Variants in KAZN observed in about 807,000 individuals in gnomAD.
KAZN encodes kazrin.
KAZN carries 40 observed loss-of-function variants against 87.4 expected under a neutral mutation model. The ratio of observed to expected loss-of-function variants is 0.46; its 90% CI spans 0.36 to 0.60. The LOEUF (loss-of-function observed/expected upper bound fraction) is 0.60, where lower values mean the gene tolerates loss of function less well. KAZN is among the 20% of genes least tolerant of loss of function. The pLI is 0.00. For synonymous variants in KAZN, 466 were observed against 458.3 expected (o/e 1.02, Z -0.22); for missense variants, 898 against 1,073.9 (o/e 0.84, Z 2.29).
chr1:14,529,039 C>A (rs1026438758), intron 2 of KAZN, among the ~76,000 whole-genome samples: 2 of 152,144 alleles, frequency 1.3e-5, no homozygotes, highest in South Asian at 4.1e-4. Flanking sequence ...CGCGGTGGCT[C>A]ATGCCTGTAA....
At chr1:13,982,803 A>G (rs1025012825) in intron 1 of KAZN, among the ~76,000 whole-genome samples, 1 of 152,070 alleles carries the variant, frequency 6.6e-6, no homozygotes, top group Non-Finnish European at 1.5e-5. Context: ...ACAAACCCTG[A>G]GCTAGACACA....
chr1:14,717,596 G>C (rs1642861595), intron 1 of KAZN, among the ~76,000 whole-genome samples: 1 of 152,168 alleles, frequency 6.6e-6, no homozygotes. Flanking sequence ...TTCTAATCCA[G>C]CATGATCTCA....
intron 1 of KAZN, among the ~76,000 whole-genome samples, chr1:14,677,861 C>A (rs1640325726): frequency 6.6e-6 from 1 of 152,118 alleles, no homozygotes; most frequent in South Asian, 2.1e-4. Flanking sequence ...TACAGCAGCC[C>A]CTCAGGGGAG....
chr1:14,838,545 A>G (rs1427594907), intron 1 of KAZN, among the ~76,000 whole-genome samples: 1 of 152,172 alleles, frequency 6.6e-6, no homozygotes, highest in Non-Finnish European at 1.5e-5. Context: ...ACCATGCTCA[A>G]TTAGGTTCCA....
intron 1 of KAZN, among the ~76,000 whole-genome samples, chr1:14,822,715 C>A (rs1450089482): frequency 6.6e-6 from 1 of 152,210 alleles, no homozygotes; most frequent in Non-Finnish European, 1.5e-5. Flanking sequence ...TCTCTGGAGG[C>A]TCCGTCGTGT....
intron 1 of KAZN, among the ~76,000 whole-genome samples, chr1:14,659,523 G>A (rs1446618844): frequency 6.6e-6 from 1 of 152,102 alleles, no homozygotes; most frequent in Non-Finnish European, 1.5e-5. Context: ...ATCTCCGTAG[G>A]CAGCACTTTA....
intron 2 of KAZN, among the ~76,000 whole-genome samples, chr1:14,435,711 C>T (rs180746624): frequency 6.6e-5 from 10 of 152,296 alleles, no homozygotes; most frequent in East Asian, 3.9e-4. Flanking sequence ...ATCTTTAAAC[C>T]GCAGCTACCT....
chr1:14,746,329 A>G (rs1411395371), intron 1 of KAZN, among the ~76,000 whole-genome samples: 1 of 152,114 alleles, frequency 6.6e-6, no homozygotes, highest in Non-Finnish European at 1.5e-5. Context: ...CTTATTTAAC[A>G]TGTTACTGAG....
chr1:14,669,701 C>T (rs1009523988), intron 1 of KAZN, among the ~76,000 whole-genome samples: 1 of 152,218 alleles, frequency 6.6e-6, no homozygotes, highest in Middle Eastern at 3.4e-3. Flanking sequence ...GAGCCAAGAT[C>T]GTGTCATTGC....
At chr1:13,938,042 T>G (rs1239555172) in intron 1 of KAZN, among the ~76,000 whole-genome samples, 1 of 152,218 alleles carries the variant, frequency 6.6e-6, no homozygotes, top group Non-Finnish European at 1.5e-5. Context: ...ATTTCAGGAT[T>G]GTTTTTTCTA....
intron 1 of KAZN, among the ~76,000 whole-genome samples, chr1:14,956,038 CTG>C (rs1362107076): frequency 6.6e-6 from 1 of 152,178 alleles, no homozygotes; most frequent in East Asian, 1.9e-4. Context: ...TCAAATCTAA[CTG>C]TGCGTCTAGG....
intron 2 of KAZN, among the ~76,000 whole-genome samples, chr1:14,443,907 A>C (rs1666831880): frequency 6.6e-6 from 1 of 152,188 alleles, no homozygotes; most frequent in Non-Finnish European, 1.5e-5. Context: ...ACTATCCTTC[A>C]AGTTTCAATT....
rs148366454 is a variant in KAZN, at chr1:14,159,291, A to G, written c.92-21144A>G. 4.1e-3 allele frequency among the ~76,000 whole-genome samples: 617 copies of G among 152,286 alleles called. 1 individual carries two copies. Among genetic ancestry groups the G allele is most frequent in the Non-Finnish European group, 6.5e-3 (443 of 68,012 alleles). The stretch of plus-strand genomic sequence containing the variant: ...AGAAGTCTATCTGGTATTCTATTGT[A>G]CTGTAGCTGATCTGGCACTTGAACC... On this transcript the variant is annotated intron_variant, in intron 1 of 16. Transcript: ENST00000636203.
intron 1 of KAZN, among the ~76,000 whole-genome samples, chr1:14,836,607 G>A (rs1425746019): frequency 6.6e-6 from 1 of 151,964 alleles, no homozygotes; most frequent in South Asian, 2.1e-4. Flanking sequence ...TTCCTCTCTT[G>A]AGCATCCCCG....
chr1:14,821,475 C>T (rs547281577), intron 1 of KAZN, among the ~76,000 whole-genome samples: 15 of 151,588 alleles, frequency 9.9e-5, no homozygotes, highest in African/African-American at 3.6e-4. Context: ...GGAGATAGCT[C>T]CACTGCACTC....
rs567648431 is a variant in KAZN, at chr1:14,354,069, A to G, written c.249+173477A>G. Among the ~76,000 whole-genome samples, 7 of 152,340 alleles carry G rather than the reference A, an allele frequency of 4.6e-5. No homozygotes were observed. In the South Asian group the frequency reaches 1.5e-3, roughly 32 times the overall value. On this transcript the variant is annotated intron_variant, in intron 2 of 16. Coordinates refer to the KAZN transcript ENST00000636203. The stretch of plus-strand genomic sequence containing the variant: ...ACAGTGTGGCATTGTAGAAAGACTA[A>G]AGAGTCCAGAAATAGATGGACACAT...
intron 8 of KAZN, among the ~76,000 whole-genome samples, chr1:15,074,294 C>T (rs1249913661): frequency 2.6e-5 from 4 of 152,214 alleles, no homozygotes; most frequent in Admixed American, 2.0e-4. Context: ...GTGTATTCGG[C>T]TTGTTGAAAT....
chr1:14,255,908 G>T (rs1571155632), intron 2 of KAZN, among the ~76,000 whole-genome samples: 1 of 152,274 alleles, frequency 6.6e-6, no homozygotes, highest in South Asian at 2.1e-4. Flanking sequence ...ATGCTGCCTG[G>T]TGAGTCATCC....
chr1:14,413,351 G>A (rs1228199281), intron 2 of KAZN, among the ~76,000 whole-genome samples: 1 of 152,014 alleles, frequency 6.6e-6, no homozygotes, highest in East Asian at 1.9e-4. Context: ...AGCACTTTGA[G>A]AGGCTGAGGC....
Sources: gnomAD v4.1 joint callset for allele counts (sites outside exome capture counted in the v4.1 genomes callset) on GRCh38, gnomAD v4.1.1 for gene constraint, MANE v1.5 for transcripts, NCBI Gene and HGNC (gene_info 2026-07-23, HGNC 2026-07-21) for gene names.